The following CNOT7 variants were observed in gnomAD, a reference collection of about 807,000 sequenced individuals.
CNOT7 encodes CCR4-NOT transcription complex subunit 7.
CNOT7 carries 4 observed loss-of-function variants against 37.1 expected under a neutral mutation model. That is an observed-to-expected ratio of 0.11 (90% CI 0.05 to 0.25). The LOEUF (loss-of-function observed/expected upper bound fraction) is 0.25, where lower values mean the gene tolerates loss of function less well. Among genes scored for constraint, CNOT7 ranks in the 10% least tolerant of loss-of-function variants. The pLI, the probability that CNOT7 is intolerant of heterozygous loss-of-function variation, is 1.00. For missense variants in CNOT7, 170 were observed against 336.2 expected, an observed-to-expected ratio of 0.51 and a Z score of 3.87; for synonymous variants, 128 against 115.6, an observed-to-expected ratio of 1.11 and a Z score of -0.69.
intron 2 of CNOT7, chr8:17,243,731 T>A: frequency 2.3e-6 from 1 of 442,286 alleles, no homozygotes; most frequent in Non-Finnish European, 4.6e-6. Context: ...CTCACTCTTG[T>A]AGGATGTTAT....
intron 2 of CNOT7, chr8:17,244,776 C>G (rs1810666162): frequency 2.9e-6 from 1 of 348,164 alleles, no homozygotes; most frequent in Non-Finnish European, 5.2e-6. Context: ...GAGCCCAAAT[C>G]CTTCCTAACT....
chr8:17,231,776 T>C (rs1727468431), intron 6 of CNOT7: 1 of 985,514 alleles, frequency 1.0e-6, no homozygotes, highest in Non-Finnish European at 1.2e-6. Context: ...CATTCTTCCA[T>C]CCCTAACACT....
In CNOT7 at chr8:17,237,385, A is replaced by C. The variant is rs751235290; in HGVS notation, c.312-12T>G. Reference sequence around the variant, plus strand: ...CATACATGTCCTCCCTGGCAGAAGAAAGAGAAAGACAACATTCAAACATGC... The same window carrying C: ...CATACATGTCCTCCCTGGCAGAAGACAGAGAAAGACAACATTCAAACATGC... On this transcript the variant is annotated splice_polypyrimidine_tract_variant and intron_variant, in intron 3 of 6. Transcript: ENST00000361272. 3.7e-6 allele frequency: 6 copies of C among 1,612,768 alleles called. No homozygotes were observed. Among genetic ancestry groups the C allele is most frequent in the Admixed American group, 3.3e-5 (2 of 59,840 alleles).
intron 2 of CNOT7, 21 bp from the exon 3 acceptor site, chr8:17,243,206 T>G: frequency 1.3e-6 from 2 of 1,566,732 alleles, no homozygotes; most frequent in Non-Finnish European, 1.7e-6. Context: ...GTTTTAAGAT[T>G]CATTATGTAC....
At chr8:17,243,784 G>C (rs1166785220) in intron 2 of CNOT7, among the ~76,000 whole-genome samples, 2 of 152,126 alleles carry the variant, frequency 1.3e-5, no homozygotes, top group African/African-American at 4.8e-5. Context: ...AGAAATCAAT[G>C]ATCACTATGA....
intron 4 of CNOT7, among the ~76,000 whole-genome samples, chr8:17,236,551 G>T (rs894391839): frequency 6.6e-6 from 1 of 151,810 alleles, no homozygotes; most frequent in Non-Finnish European, 1.5e-5. Context: ...AAGTATTTTG[G>T]TGACCATTAA....
chr8:17,233,962 G>A (rs1808978449), intron 5 of CNOT7, among the ~76,000 whole-genome samples: 1 of 152,200 alleles, frequency 6.6e-6, no homozygotes, highest in African/African-American at 2.4e-5. Flanking sequence ...GCTGAGGCAG[G>A]AGAATCACTT....
chr8:17,238,449 T>G (rs1015242519), intron 3 of CNOT7, among the ~76,000 whole-genome samples: 1 of 150,688 alleles, frequency 6.6e-6, no homozygotes, highest in Non-Finnish European at 1.5e-5. Context: ...CACGTAAAAG[T>G]CAGTCTCCCC....
intron 2 of CNOT7, 84 bp downstream of exon 2, chr8:17,244,952 A>C: frequency 8.8e-7 from 1 of 1,136,274 alleles, no homozygotes; most frequent in Non-Finnish European, 1.3e-6. Context: ...TAAAAATATC[A>C]ACCAAAAGGG....
At chr8:17,240,760 T>G (rs1436985646) in intron 3 of CNOT7, among the ~76,000 whole-genome samples, 1 of 152,194 alleles carries the variant, frequency 6.6e-6, no homozygotes, top group Admixed American at 6.5e-5. Flanking sequence ...AGGTTTATCA[T>G]TTGAGAAAAA....
rs939041319 is a variant in CNOT7 at position 17,229,507 on chromosome 8, G to T, written c.*1213C>A. On this transcript the variant is annotated 3_prime_UTR_variant, in exon 7 of 7. Coordinates refer to ENST00000361272, the MANE Select transcript of CNOT7 (RefSeq NM_013354.7). ...GTAAAGTCTTCCTACACATGCTCTG[G>T]TCTGGTCACATATTCTGCATGGCTA... 5 of 151,966 alleles carry T rather than the reference G, an allele frequency of 3.3e-5. No homozygotes were observed. The highest frequency in any genetic ancestry group is 7.4e-5 in the Non-Finnish European group (5 of 67,772). The allele number at this position is 151,966 out of a possible 1,614,324, so 9.4% of individuals were successfully genotyped here. A position where few individuals can be genotyped will look rare whatever the true frequency, so the allele number is the denominator to read the frequency against.
intron 5 of CNOT7, 76 bp from the exon 6 acceptor site, chr8:17,232,613 G>A (rs1808776579): frequency 1.9e-5 from 24 of 1,264,796 alleles, no homozygotes; most frequent in Middle Eastern, 3.8e-4. Flanking sequence ...AAACTTAGAC[G>A]CTGACCAAAA....
chr8:17,237,557 A>G (rs946755113), intron 3 of CNOT7, 184 bp from the exon 4 acceptor site: 12 of 552,474 alleles, frequency 2.2e-5, no homozygotes, highest in East Asian at 1.7e-4. Context: ...ATTATTTCAG[A>G]AAAGTGTTTC....
chr8:17,237,144 G>T, intron 4 of CNOT7, 68 bp downstream of exon 4: 2 of 1,477,910 alleles, frequency 1.4e-6, no homozygotes, highest in Non-Finnish European at 1.9e-6. Flanking sequence ...CTAACATAGT[G>T]ACCCAAGTAA....
At chr8:17,232,377 T>C in intron 6 of CNOT7, 50 bp downstream of exon 6, 1 of 1,611,172 alleles carries the variant, frequency 6.2e-7, no homozygotes, top group Middle Eastern at 1.7e-4. Flanking sequence ...AGATTTTTAA[T>C]GTTCTCAACC....
intron 6 of CNOT7, 59 bp from the exon 7 acceptor site, chr8:17,230,907 AATTTAT>A: frequency 7.8e-7 from 1 of 1,278,874 alleles, no homozygotes; most frequent in Non-Finnish European, 1.1e-6. Context: ...AACCACTTGT[AATTTAT>A]ATTTCAGCAA....
intron 6 of CNOT7, 62 bp downstream of exon 6, chr8:17,232,355 TCTTTGGCCAC>T: frequency 6.2e-7 from 1 of 1,610,082 alleles, no homozygotes; most frequent in South Asian, 1.1e-5. Context: ...TTGCCCAAAA[TCTTTGGCCAC>T]AAGATTTTTA....
chr8:17,240,461 C>T (rs1254681929), intron 3 of CNOT7, among the ~76,000 whole-genome samples: 4 of 152,040 alleles, frequency 2.6e-5, no homozygotes, highest in African/African-American at 7.3e-5. Context: ...AGATTAGACA[C>T]CCCTAGTGTA....
In CNOT7 at chr8:17,230,585, G is replaced by T; in HGVS notation, c.*135C>A. Reference sequence around the variant, plus strand: ...GATAGGAACGGTCATACTTAGTACTGAAAGGCAGACAATAAAATGGGCCAT... The same window carrying T: ...GATAGGAACGGTCATACTTAGTACTTAAAGGCAGACAATAAAATGGGCCAT... On this transcript the variant is annotated 3_prime_UTR_variant, in exon 7 of 7. Coordinates refer to ENST00000361272, the MANE Select transcript of CNOT7 (RefSeq NM_013354.7). 1 of 597,968 alleles carries T rather than the reference G, an allele frequency of 1.7e-6. No individual in the cohort carries two copies. The highest frequency in any genetic ancestry group is 2.7e-6 in the Non-Finnish European group (1 of 368,044). The allele number at this position is 597,968 out of a possible 1,614,324, so 37.0% of individuals were successfully genotyped here.
Sources: allele counts gnomAD v4.1 joint callset (sites outside exome capture counted in the v4.1 genomes callset), GRCh38; gene constraint gnomAD v4.1.1; transcripts MANE v1.5; gene names NCBI Gene and HGNC (gene_info 2026-07-23, HGNC 2026-07-21).